The following MAD1L1 variants were observed in gnomAD, a reference collection of about 807,000 sequenced individuals.
MAD1L1 encodes mitotic spindle assembly checkpoint protein MAD1.
Under a neutral mutation model 96.9 loss-of-function variants are expected in MAD1L1, and 95 were observed. The observed-to-expected ratio is 0.98, with a 90% CI of 0.83 to 1.16. The LOEUF is 1.16. Ranked by LOEUF, MAD1L1 falls within the 50% of genes most tolerant of loss-of-function variation. MAD1L1 has a pLI of 0.00. For missense variants in MAD1L1, 1,007 were observed against 954.4 expected, an observed-to-expected ratio of 1.06 and a Z score of -0.73; for synonymous variants, 473 against 396.6, an observed-to-expected ratio of 1.19 and a Z score of -2.29.
At chr7:2,070,015 C>G (rs2128529866) in intron 11 of MAD1L1, among the ~76,000 whole-genome samples, 1 of 152,368 alleles carries the variant, frequency 6.6e-6, no homozygotes, top group South Asian at 2.1e-4. Context: ...TCACTAGACC[C>G]CTCTGCCACT....
chr7:1,828,186 C>A (rs1384961870), intron 18 of MAD1L1, among the ~76,000 whole-genome samples: 6 of 152,124 alleles, frequency 3.9e-5, no homozygotes, highest in African/African-American at 1.4e-4. Flanking sequence ...GACAGATGCA[C>A]CTGCCATCTG....
At chr7:2,085,389 A>G (rs971579185) in intron 11 of MAD1L1, among the ~76,000 whole-genome samples, 1 of 152,102 alleles carries the variant, frequency 6.6e-6, no homozygotes, top group African/African-American at 2.4e-5. Flanking sequence ...ACCCCAGGAG[A>G]GCAGCGCATG....
intron 11 of MAD1L1, among the ~76,000 whole-genome samples, chr7:2,092,097 C>A (rs1423275446): frequency 6.6e-6 from 1 of 152,180 alleles, no homozygotes; most frequent in African/African-American, 2.4e-5. Context: ...ATTTTGCACT[C>A]CTCCCAGCAG....
chr7:1,836,230 C>T (rs2128629746), intron 18 of MAD1L1, among the ~76,000 whole-genome samples: 1 of 152,228 alleles, frequency 6.6e-6, no homozygotes, highest in East Asian at 1.9e-4. Flanking sequence ...CCATGTTGGT[C>T]AGGCTGTTCT....
chr7:1,854,233 C>G, intron 18 of MAD1L1: 1 of 347,852 alleles, frequency 2.9e-6, no homozygotes, highest in Non-Finnish European at 5.7e-6. Context: ...CCACCATGGC[C>G]CCGGTGCCTC....
intron 12 of MAD1L1, among the ~76,000 whole-genome samples, chr7:2,025,604 T>G (rs189229293): frequency 6.6e-6 from 1 of 152,152 alleles, no homozygotes; most frequent in African/African-American, 2.4e-5. Flanking sequence ...GAGATACAGG[T>G]TGCAACACAG....
intron 18 of MAD1L1, among the ~76,000 whole-genome samples, chr7:1,871,955 A>G (rs1332911289): frequency 6.6e-6 from 1 of 152,172 alleles, no homozygotes; most frequent in African/African-American, 2.4e-5. Flanking sequence ...AGCCCACAGG[A>G]CAGAGAAAGC....
chr7:2,216,063 G>A, intron 8 of MAD1L1, 64 bp from the exon 9 acceptor site: 2 of 1,610,800 alleles, frequency 1.2e-6, no homozygotes, highest in South Asian at 1.1e-5. Context: ...CAAGAGCCCG[G>A]GAGCCCTGCC....
At position 1,822,363 on chromosome 7, in the gene MAD1L1, CTT is replaced by C. The variant is rs1033690260; in HGVS notation, c.1999-6137_1999-6136del. On this transcript the variant is annotated intron_variant, in intron 18 of 18. Coordinates refer to ENST00000265854, the MANE Select transcript of MAD1L1 (RefSeq NM_001013836.2). Reference sequence around the variant, plus strand: ...GATACAATGTTTATGAACTGGAAGACTTATAGTAAATCAATTTTTCCAAAATT... The same window carrying C: ...GATACAATGTTTATGAACTGGAAGACATAGTAAATCAATTTTTCCAAAATT... Among the ~76,000 whole-genome samples, 22 of 150,552 alleles carry C rather than the reference CTT, an allele frequency of 1.5e-4. 1 individual carries two copies. The highest frequency in any genetic ancestry group is 6.6e-5 in the Admixed American group (1 of 15,092).
rs567214268 is a variant in MAD1L1 at position 1,921,570 on chromosome 7, G to A, written c.1807+15117C>T. Among the ~76,000 whole-genome samples, 68 of 152,182 alleles carry A rather than the reference G, an allele frequency of 4.5e-4. 3 individuals are homozygous for A. The South Asian group carries it at 0.01, about 23-fold the overall frequency. ...ACTCCCGACCTCAGGTGATCCACCC[G>A]CCTCAGCCTCAGTGCTGGGATTACA... is the stretch of plus-strand genomic sequence containing the variant. On this transcript the variant is annotated intron_variant, in intron 17 of 18. Transcript: ENST00000265854.
chr7:2,006,153 T>C (rs1187359355), intron 13 of MAD1L1, among the ~76,000 whole-genome samples: 1 of 151,506 alleles, frequency 6.6e-6, no homozygotes, highest in Non-Finnish European at 1.5e-5. Flanking sequence ...GTGTGGGTGC[T>C]CCTAAGAACA....
intron 18 of MAD1L1, among the ~76,000 whole-genome samples, chr7:1,843,094 G>C (rs532454787): frequency 1.3e-5 from 2 of 152,296 alleles, no homozygotes; most frequent in East Asian, 3.9e-4. Context: ...AGCAGCCCTG[G>C]TCATTCTCCA....
intron 17 of MAD1L1, among the ~76,000 whole-genome samples, chr7:1,905,620 T>G (rs1273284389): frequency 6.6e-6 from 1 of 151,894 alleles, no homozygotes; most frequent in Non-Finnish European, 1.5e-5. Flanking sequence ...GATGCTCTTG[T>G]GGAATTCATG....
chr7:2,149,140 G>T lies in MAD1L1; in HGVS notation c.1073+12C>A, dbSNP rs10252865. 13 of 1,613,418 alleles carry T rather than the reference G, an allele frequency of 8.1e-6. No homozygotes were observed. The highest frequency in any genetic ancestry group is 1.1e-5 in the Non-Finnish European group (13 of 1,179,730). ...ACGCATCCCCACAAGCACCCTGGGCGGCCAGGTCTACCTGCTGGTGACGGC... is the reference window on the plus strand; with the variant it reads ...ACGCATCCCCACAAGCACCCTGGGCTGCCAGGTCTACCTGCTGGTGACGGC... On this transcript the variant is annotated intron_variant, in intron 11 of 18. Transcript: ENST00000265854.
intron 10 of MAD1L1, among the ~76,000 whole-genome samples, chr7:2,176,917 A>G (rs1562756317): frequency 6.6e-6 from 1 of 152,240 alleles, no homozygotes; most frequent in African/African-American, 2.4e-5. Flanking sequence ...TACGCTAGTA[A>G]TAACTGTTTG....
intron 11 of MAD1L1, among the ~76,000 whole-genome samples, chr7:2,124,056 G>A (rs570205135): frequency 2.0e-5 from 3 of 152,310 alleles, no homozygotes; most frequent in Non-Finnish European, 2.9e-5. Flanking sequence ...CGGGGAAGCC[G>A]GGCAAACACC....
At chr7:1,942,972 C>A (rs1779069385) in intron 16 of MAD1L1, among the ~76,000 whole-genome samples, 1 of 152,172 alleles carries the variant, frequency 6.6e-6, no homozygotes, top group Non-Finnish European at 1.5e-5. Context: ...CAGGAACCAA[C>A]CACACGTTCA....
rs144552141 is a variant in MAD1L1 at position 2,092,689 on chromosome 7, C to T, written c.1074-23351G>A. On this transcript the variant is annotated intron_variant, in intron 11 of 18. Coordinates refer to ENST00000265854, the MANE Select transcript of MAD1L1 (RefSeq NM_001013836.2). ...AAGAAGGCCTTATATATTCTGGATA[C>T]CAGTTATTTGTCAAATATCTGACTT... Among the ~76,000 whole-genome samples, 411 of 152,264 alleles carry T rather than the reference C, an allele frequency of 2.7e-3. 2 individuals carry two copies. Among genetic ancestry groups the T allele is most frequent in the African/African-American group, 9.2e-3 (384 of 41,540 alleles).
At chr7:1,925,514 C>T (rs891882121) in intron 17 of MAD1L1, among the ~76,000 whole-genome samples, 1 of 152,182 alleles carries the variant, frequency 6.6e-6, no homozygotes, top group Non-Finnish European at 1.5e-5. Flanking sequence ...ACATGGTGGA[C>T]GGCAGGAGGG....
Sources: allele counts gnomAD v4.1 joint callset (sites outside exome capture counted in the v4.1 genomes callset), GRCh38; gene constraint gnomAD v4.1.1; transcripts MANE v1.5; gene names NCBI Gene and HGNC (gene_info 2026-07-23, HGNC 2026-07-21).